The following MARCHF1 variants were observed in gnomAD, a reference collection of about 807,000 sequenced individuals.
MARCHF1 encodes the protein membrane associated ring-CH-type finger 1.
In MARCHF1, 40 loss-of-function variants were observed where a neutral mutation model predicts 54.2. That is an observed-to-expected ratio of 0.74 (90% CI 0.57 to 0.96). The LOEUF (loss-of-function observed/expected upper bound fraction) is 0.96. MARCHF1 is among the 40% of genes least tolerant of loss of function. The probability of loss-of-function intolerance (pLI) is 0.00; values close to 1 mark genes in which losing one functional copy is unlikely to be tolerated. For missense variants in MARCHF1, 586 were observed against 656.5 expected, an observed-to-expected ratio of 0.89 and a Z score of 1.17; for synonymous variants, 236 against 236.3, an observed-to-expected ratio of 1.00 and a Z score of 0.01.
chr4:163,740,505 C>G (rs776064774), intron 4 of MARCHF1, among the ~76,000 whole-genome samples: 3 of 152,108 alleles, frequency 2.0e-5, no homozygotes, highest in African/African-American at 7.2e-5. Flanking sequence ...CACCACTGAG[C>G]AATAGGGTAC....
intron 3 of MARCHF1, among the ~76,000 whole-genome samples, chr4:163,897,574 C>T (rs1407570367): frequency 1.3e-5 from 2 of 152,088 alleles, no homozygotes; most frequent in African/African-American, 4.8e-5. Context: ...CACATACCTA[C>T]AACCAATTGA....
chr4:163,870,461 T>C (rs901892032), intron 3 of MARCHF1, among the ~76,000 whole-genome samples: 1 of 152,074 alleles, frequency 6.6e-6, no homozygotes, highest in Non-Finnish European at 1.5e-5. Context: ...ATGAATTATG[T>C]TTTATATACC....
chr4:163,744,628 T>G (rs906889900), intron 4 of MARCHF1, among the ~76,000 whole-genome samples: 15 of 152,180 alleles, frequency 9.9e-5, no homozygotes, highest in African/African-American at 3.1e-4. Context: ...TACAGAGCAC[T>G]TTTTTCTTAA....
intron 4 of MARCHF1, among the ~76,000 whole-genome samples, chr4:163,819,384 T>C (rs544934199): frequency 1.3e-5 from 2 of 152,138 alleles, no homozygotes; most frequent in Non-Finnish European, 2.9e-5. Context: ...AATGAAACCA[T>C]TGCACATCTG....
At chr4:164,099,116 T>C (rs551789629) in intron 2 of MARCHF1, among the ~76,000 whole-genome samples, 35 of 152,206 alleles carry the variant, frequency 2.3e-4, no homozygotes, top group African/African-American at 3.9e-4. Context: ...AGCAGGATGA[T>C]TGAAGTTGGT....
intron 2 of MARCHF1, among the ~76,000 whole-genome samples, chr4:164,053,063 T>A (rs1278326572): frequency 1.3e-5 from 2 of 152,152 alleles, no homozygotes; most frequent in Admixed American, 1.3e-4. Flanking sequence ...CAACTCAAGT[T>A]TTTTAATAAT....
At chr4:164,306,969 T>C (rs1396864519) in intron 1 of MARCHF1, among the ~76,000 whole-genome samples, 4 of 152,222 alleles carry the variant, frequency 2.6e-5, no homozygotes, top group Admixed American at 2.6e-4. Context: ...TTTCCTACAC[T>C]GTGGCCCTCT....
intron 4 of MARCHF1, among the ~76,000 whole-genome samples, chr4:163,846,185 G>T (rs11934826): frequency 0.038 from 5,715 of 152,208 alleles, 343 homozygotes; most frequent in African/African-American, 0.13. Context: ...GAAAAATGAG[G>T]AACCGCAACT....
intron 1 of MARCHF1, among the ~76,000 whole-genome samples, chr4:164,350,852 C>T (rs549656288): frequency 9.2e-4 from 47 of 51,364 alleles, no homozygotes; most frequent in East Asian, 8.7e-3. Context: ...TCTGAGGTAC[C>T]GCATTCATCT....
intron 3 of MARCHF1, among the ~76,000 whole-genome samples, chr4:163,890,098 T>G (rs1316005432): frequency 6.7e-6 from 1 of 150,270 alleles, no homozygotes. Flanking sequence ...CTAATTTTTT[T>G]TTTTTTTTTG....
At chr4:163,890,457 G>A (rs1750637363) in intron 3 of MARCHF1, among the ~76,000 whole-genome samples, 2 of 152,194 alleles carry the variant, frequency 1.3e-5, no homozygotes, top group Admixed American at 1.3e-4. Flanking sequence ...GAGCTAGACT[G>A]ACTCAGATCA....
intron 4 of MARCHF1, among the ~76,000 whole-genome samples, chr4:163,708,659 T>C (rs750644456): frequency 6.6e-6 from 1 of 152,146 alleles, no homozygotes; most frequent in Non-Finnish European, 1.5e-5. Flanking sequence ...TGTAAGTATA[T>C]ATGCATGCAC....
intron 3 of MARCHF1, among the ~76,000 whole-genome samples, chr4:163,854,701 A>C (rs372865646): frequency 1.3e-5 from 2 of 152,314 alleles, no homozygotes; most frequent in South Asian, 4.1e-4. Flanking sequence ...CTGCAAGTAT[A>C]ATAAATTAAG....
chr4:163,561,085 A>C (rs1344347542), intron 8 of MARCHF1, among the ~76,000 whole-genome samples: 1 of 152,180 alleles, frequency 6.6e-6, no homozygotes, highest in Non-Finnish European at 1.5e-5. Context: ...AAATAAAAAA[A>C]CAAAATTATA....
intron 1 of MARCHF1, among the ~76,000 whole-genome samples, chr4:164,176,928 G>T (rs1730678718): frequency 7.7e-6 from 1 of 129,986 alleles, no homozygotes; most frequent in Non-Finnish European, 1.7e-5. Context: ...TTATTTATCT[G>T]AGTACCTTGT....
chr4:163,980,849 G>T (rs1752747959), intron 3 of MARCHF1, among the ~76,000 whole-genome samples: 2 of 152,162 alleles, frequency 1.3e-5, no homozygotes, highest in African/African-American at 4.8e-5. Context: ...TATAAGTTTT[G>T]ATAATTAATT....
At chr4:164,035,694 T>G (rs1055263910) in intron 2 of MARCHF1, among the ~76,000 whole-genome samples, 2 of 151,442 alleles carry the variant, frequency 1.3e-5, no homozygotes, top group African/African-American at 4.8e-5. Context: ...AAATAAATGT[T>G]TTTAATAAGG....
At position 164,018,785 on chromosome 4, in the gene MARCHF1, A is replaced by G. The variant is rs144208922; in HGVS notation, c.-247-30076T>C. Among the ~76,000 whole-genome samples, 858 of 152,276 alleles carry G rather than the reference A, an allele frequency of 5.6e-3. 6 individuals carry two copies. Among genetic ancestry groups the G allele is most frequent in the African/African-American group, 0.02 (824 of 41,552 alleles). On this transcript the variant is annotated intron_variant, in intron 2 of 9. Transcript: ENST00000514618. ...TTTGCTTATCATAATAATGCAATGGACTCATCACAGAATGTGACATGGTGG... is the reference window on the plus strand; with the variant it reads ...TTTGCTTATCATAATAATGCAATGGGCTCATCACAGAATGTGACATGGTGG...
chr4:164,350,920 C>T (rs1012378347), intron 1 of MARCHF1, among the ~76,000 whole-genome samples: 1 of 151,988 alleles, frequency 6.6e-6, no homozygotes, highest in Non-Finnish European at 1.5e-5. Context: ...CGGGCGCGAG[C>T]CGAAGCAGGG....
Sources: gnomAD v4.1 joint callset for allele counts (sites outside exome capture counted in the v4.1 genomes callset) on GRCh38, gnomAD v4.1.1 for gene constraint, MANE v1.5 for transcripts, NCBI Gene and HGNC (gene_info 2026-07-23, HGNC 2026-07-21) for gene names.